EYS: variants seen among roughly 807,000 people sequenced by gnomAD.
EYS encodes the protein EGF-like photoreceptor maintenance factor, also known as protein eyes shut homolog.
EYS carries 250 observed loss-of-function variants against 282.1 expected under a neutral mutation model. The observed-to-expected ratio is 0.89, with a 90% CI of 0.80 to 0.98. The LOEUF (loss-of-function observed/expected upper bound fraction) is 0.98, where lower values mean the gene tolerates loss of function less well. Among genes scored for constraint, EYS ranks in the 50% least tolerant of loss-of-function variants. The probability of loss-of-function intolerance (pLI) is 0.00; values close to 1 mark genes in which losing one functional copy is unlikely to be tolerated. For synonymous variants in EYS, 1,355 were observed against 1,282.9 expected (o/e 1.06, Z -1.20); for missense variants, 4,016 against 3,709.0 (o/e 1.08, Z -2.15).
At chr6:63,833,595 G>A (rs566337225) in intron 36 of EYS, among the ~76,000 whole-genome samples, 27 of 152,246 alleles carry the variant, frequency 1.8e-4, no homozygotes, top group Admixed American at 1.4e-3. Flanking sequence ...CCATGCTCAT[G>A]GATAGGAAGA....
intron 12 of EYS, among the ~76,000 whole-genome samples, chr6:65,264,848 G>T (rs1767709178): frequency 6.6e-6 from 1 of 151,296 alleles, no homozygotes; most frequent in South Asian, 2.1e-4. Flanking sequence ...TATTTGGAAT[G>T]ATTTTTACTT....
chr6:65,634,524 T>C (rs1284795779), intron 2 of EYS, among the ~76,000 whole-genome samples: 2 of 152,158 alleles, frequency 1.3e-5, no homozygotes, highest in Non-Finnish European at 2.9e-5. Flanking sequence ...TATGTGATGA[T>C]TAATCTTAAT....
chr6:64,246,673 A>G (rs994182565), intron 30 of EYS, among the ~76,000 whole-genome samples: 1 of 152,198 alleles, frequency 6.6e-6, no homozygotes, highest in African/African-American at 2.4e-5. Context: ...AACACTTACC[A>G]TAGTTCTGAC....
chr6:63,957,134 T>C (rs1265833046), intron 35 of EYS, among the ~76,000 whole-genome samples: 2 of 95,966 alleles, frequency 2.1e-5, no homozygotes, highest in Non-Finnish European at 5.6e-5. Context: ...TGTAAGACAA[T>C]ATTTTTTTGA....
At chr6:64,131,056 C>G (rs1773959831) in intron 31 of EYS, among the ~76,000 whole-genome samples, 1 of 152,002 alleles carries the variant, frequency 6.6e-6, no homozygotes. Context: ...TTAGTAGAGA[C>G]AGAGTTTCAC....
chr6:65,330,146 T>C, intron 11 of EYS: 2 of 973,032 alleles, frequency 2.1e-6, no homozygotes, highest in South Asian at 4.8e-5. Flanking sequence ...AGAAGAACCA[T>C]GAGATGTGTT....
intron 35 of EYS, among the ~76,000 whole-genome samples, chr6:63,975,550 T>A (rs1766794486): frequency 6.6e-6 from 1 of 152,224 alleles, no homozygotes; most frequent in Admixed American, 6.5e-5. Flanking sequence ...TTTCTTCTTT[T>A]CTAATAGCAT....
At chr6:65,181,986 C>A (rs981984957) in intron 12 of EYS, among the ~76,000 whole-genome samples, 13 of 151,962 alleles carry the variant, frequency 8.6e-5, no homozygotes, top group African/African-American at 3.1e-4. Flanking sequence ...CATGTTCTCA[C>A]TCATAGGTGG....
intron 36 of EYS, among the ~76,000 whole-genome samples, chr6:63,843,571 T>G (rs985670369): frequency 6.6e-6 from 1 of 152,136 alleles, no homozygotes; most frequent in African/African-American, 2.4e-5. Flanking sequence ...CTAAAAACAC[T>G]CAATAAACTT....
chr6:64,629,315 T>A (rs1767707781), intron 22 of EYS, among the ~76,000 whole-genome samples: 1 of 152,120 alleles, frequency 6.6e-6, no homozygotes, highest in African/African-American at 2.4e-5. Context: ...GCTTTGCACA[T>A]CCCACGCTTA....
intron 26 of EYS, among the ~76,000 whole-genome samples, chr6:64,464,888 T>C (rs1053407503): frequency 2.6e-5 from 4 of 152,118 alleles, no homozygotes; most frequent in Admixed American, 1.3e-4. Context: ...AAAAATGTTT[T>C]ATTAAATCTG....
Position 64,638,433 on chromosome 6 carries a change from G to T in EYS, c.3444-12188C>A, listed in dbSNP as rs914594119. Among the ~76,000 whole-genome samples the T allele has an allele frequency of 4.4e-5, 4 of 91,634 alleles. 1 individual carries two copies. The highest frequency in any genetic ancestry group is 8.2e-5 in the African/African-American group (2 of 24,304). 60.1% of individuals were successfully genotyped at this position (91,634 alleles called of 152,430 possible). A position where few individuals can be genotyped will look rare whatever the true frequency, so the allele number is the denominator to read the frequency against. On this transcript the variant is annotated intron_variant, in intron 22 of 42. Coordinates refer to ENST00000503581, the MANE Select transcript of EYS (RefSeq NM_001142800.2). ...AAATTAAATGATTATTAAAATACAC[G>T]CATAATGTTGTAATGATAATTATTA... is the stretch of plus-strand genomic sequence containing the variant.
At chr6:64,610,384 TA>T (rs1219543050) in intron 24 of EYS, among the ~76,000 whole-genome samples, 1 of 149,948 alleles carries the variant, frequency 6.7e-6, no homozygotes, top group East Asian at 2.0e-4. Context: ...CATTTACCAA[TA>T]AAAACTGCTG....
chr6:64,809,737 C>T (rs1176232033), intron 22 of EYS, among the ~76,000 whole-genome samples: 3 of 152,026 alleles, frequency 2.0e-5, no homozygotes, highest in African/African-American at 7.2e-5. Context: ...AAACCAAACA[C>T]CATACGTTCT....
intron 19 of EYS, among the ~76,000 whole-genome samples, chr6:64,836,759 G>C (rs1321518946): frequency 6.6e-6 from 1 of 151,538 alleles, no homozygotes; most frequent in African/African-American, 2.4e-5. Context: ...AGCAATTTTA[G>C]TGAAATGCTG....
chr6:64,759,350 G>A (rs1415669560), intron 22 of EYS, among the ~76,000 whole-genome samples: 3 of 151,982 alleles, frequency 2.0e-5, no homozygotes, highest in Non-Finnish European at 4.4e-5. Flanking sequence ...TAGTCTATTT[G>A]TACAAAGTCC....
intron 19 of EYS, among the ~76,000 whole-genome samples, chr6:64,828,196 A>C (rs533003311): frequency 1.4e-4 from 21 of 152,070 alleles, no homozygotes; most frequent in Non-Finnish European, 2.2e-4. Context: ...AGTATAAATT[A>C]ATCAAAAGGA....
chr6:64,366,685 T>C (rs1772192290), intron 29 of EYS, among the ~76,000 whole-genome samples: 1 of 152,036 alleles, frequency 6.6e-6, no homozygotes, highest in South Asian at 2.1e-4. Context: ...GAGGTTGCTA[T>C]TGAAGGCCAG....
intron 29 of EYS, among the ~76,000 whole-genome samples, chr6:64,313,743 G>T (rs767053432): frequency 1.3e-5 from 2 of 152,048 alleles, no homozygotes; most frequent in African/African-American, 4.8e-5. Context: ...ATTTTCAGTC[G>T]AGAATTTCAT....
Sources: allele counts gnomAD v4.1 joint callset (sites outside exome capture counted in the v4.1 genomes callset), GRCh38; gene constraint gnomAD v4.1.1; transcripts MANE v1.5; gene names NCBI Gene and HGNC (gene_info 2026-07-23, HGNC 2026-07-21).